CNOT2: variants seen among roughly 807,000 people sequenced by gnomAD.
CNOT2 encodes the protein CC chemokine receptor 4-negative regulator of transcription 2.
In CNOT2, 7 loss-of-function variants were observed where a neutral mutation model predicts 72.1. The ratio of observed to expected loss-of-function variants is 0.10; its 90% CI spans 0.06 to 0.18. The LOEUF (loss-of-function observed/expected upper bound fraction) is 0.18, where lower values mean the gene tolerates loss of function less well. Ranked by LOEUF, CNOT2 falls within the 10% of genes least tolerant of loss-of-function variation. The pLI is 1.00. For synonymous variants in CNOT2, 196 were observed against 225.6 expected (o/e 0.87, Z 1.17); for missense variants, 345 against 660.3 (o/e 0.52, Z 5.23).
intron 1 of CNOT2, among the ~76,000 whole-genome samples, chr12:70,277,198 G>A (rs1948430150): frequency 6.6e-6 from 1 of 151,878 alleles, no homozygotes. Flanking sequence ...ACTTCCTTAG[G>A]GAGAATGCTT....
chr12:70,341,848 C>T (rs1285659527), intron 11 of CNOT2: 1 of 383,082 alleles, frequency 2.6e-6, no homozygotes, highest in African/African-American at 2.1e-5. Context: ...AATTTTTAAT[C>T]ATGTTTTGTA....
chr12:70,278,220 C>A lies in CNOT2; in HGVS notation c.-7C>A. On this transcript the variant is annotated 5_prime_UTR_variant, in exon 2 of 16. Transcript: ENST00000229195. Reference sequence around the variant, plus strand: ...CCTCCGGTACTGTGAGGAAAGGACACGACTCTATGGTGAGGACTGATGGAC... The same window carrying A: ...CCTCCGGTACTGTGAGGAAAGGACAAGACTCTATGGTGAGGACTGATGGAC... 3 of 1,608,832 alleles carry A rather than the reference C, an allele frequency of 1.9e-6. No individual in the cohort carries two copies. The highest frequency in any genetic ancestry group is 2.2e-5 in the South Asian group (2 of 90,846).
chr12:70,349,688 A>T (rs1367270175), intron 15 of CNOT2, among the ~76,000 whole-genome samples: 1 of 152,182 alleles, frequency 6.6e-6, no homozygotes, highest in African/African-American at 2.4e-5. Context: ...AATTTCCTGT[A>T]AATAATATAT....
chr12:70,337,114 T>C, intron 8 of CNOT2: 1 of 218,088 alleles, frequency 4.6e-6, no homozygotes. Flanking sequence ...TTGTTAATAA[T>C]TAATCCAATA....
intron 2 of CNOT2, among the ~76,000 whole-genome samples, chr12:70,280,635 G>C (rs1486299315): frequency 6.6e-6 from 1 of 152,066 alleles, no homozygotes; most frequent in Non-Finnish European, 1.5e-5. Context: ...AAGAATTTTT[G>C]TAAAATTTAT....
At chr12:70,273,067 C>T (rs1288470812) in intron 1 of CNOT2, among the ~76,000 whole-genome samples, 1 of 152,118 alleles carries the variant, frequency 6.6e-6, no homozygotes, top group Non-Finnish European at 1.5e-5. Context: ...CAGCATTTCC[C>T]TCTGTGCCAT....
chr12:70,255,962 A>G (rs536089527), intron 1 of CNOT2, among the ~76,000 whole-genome samples: 93 of 152,298 alleles, frequency 6.1e-4, no homozygotes, highest in African/African-American at 2.1e-3. Flanking sequence ...AGGCACAGCA[A>G]AATACTCAGG....
chr12:70,297,852 C>T (rs542384075), intron 2 of CNOT2: 20 of 248,468 alleles, frequency 8.0e-5, no homozygotes, highest in Non-Finnish European at 1.6e-4. Context: ...ATTCTCCTGC[C>T]TCGGCCTCCA....
chr12:70,296,838 G>T (rs1872894281), intron 2 of CNOT2, among the ~76,000 whole-genome samples: 3 of 150,900 alleles, frequency 2.0e-5, no homozygotes, highest in Admixed American at 6.6e-5. Flanking sequence ...AGGATAAGCA[G>T]TTTAAAATCC....
intron 4 of CNOT2, 108 bp downstream of exon 4, chr12:70,319,472 A>G: frequency 9.5e-7 from 1 of 1,050,370 alleles, no homozygotes; most frequent in Non-Finnish European, 1.4e-6. Context: ...GTATGACTTA[A>G]AAGGAAAAAT....
chr12:70,266,728 T>C (rs1959062796), intron 1 of CNOT2, among the ~76,000 whole-genome samples: 1 of 152,212 alleles, frequency 6.6e-6, no homozygotes, highest in Non-Finnish European at 1.5e-5. Flanking sequence ...TTTTAATTGC[T>C]CTGAAGTGTA....
intron 13 of CNOT2, among the ~76,000 whole-genome samples, chr12:70,342,652 T>C (rs1593280191): frequency 1.3e-5 from 2 of 152,204 alleles, no homozygotes; most frequent in Admixed American, 1.3e-4. Flanking sequence ...ATGGTCTGTA[T>C]CTTTAAAAAC....
chr12:70,292,586 G>A (rs1872108355), intron 2 of CNOT2, among the ~76,000 whole-genome samples: 1 of 152,206 alleles, frequency 6.6e-6, no homozygotes, highest in Non-Finnish European at 1.5e-5. Context: ...AAGGAGGCCA[G>A]TATGGCAGGA....
chr12:70,303,425 G>C (rs547365589), intron 2 of CNOT2, among the ~76,000 whole-genome samples: 15 of 151,658 alleles, frequency 9.9e-5, no homozygotes, highest in East Asian at 3.9e-4. Flanking sequence ...GTGACAAAAT[G>C]TCTCAGCATT....
chr12:70,314,391 A>AT lies in CNOT2; in HGVS notation c.171+3386dup, dbSNP rs905448086. Among the ~76,000 whole-genome samples, 288 of 146,416 alleles carry AT rather than the reference A, an allele frequency of 2.0e-3. 1 individual carries two copies. Among genetic ancestry groups the AT allele is most frequent in the Middle Eastern group, 7.1e-3 (2 of 280 alleles). ...AACAATAGTACCTAGCTCATGAAGG[A>AT]TTTTTTTTTTTTAAGTGGGAGAATA... On this transcript the variant is annotated intron_variant, in intron 3 of 15. Transcript: ENST00000229195.
intron 1 of CNOT2, among the ~76,000 whole-genome samples, chr12:70,275,482 A>G (rs1299709658): frequency 1.3e-5 from 2 of 151,990 alleles, no homozygotes; most frequent in African/African-American, 4.8e-5. Flanking sequence ...TGGGTGTACT[A>G]CGTTTGTTCT....
chr12:70,255,315 T>A (rs1257929945), intron 1 of CNOT2, among the ~76,000 whole-genome samples: 2 of 152,194 alleles, frequency 1.3e-5, no homozygotes, highest in African/African-American at 2.4e-5. Flanking sequence ...TCTGTTTTTT[T>A]GAAATTCATT....
chr12:70,340,712 ATT>A (rs1393004197), intron 11 of CNOT2, among the ~76,000 whole-genome samples: 1 of 151,956 alleles, frequency 6.6e-6, no homozygotes, highest in African/African-American at 2.4e-5. Flanking sequence ...TGTTTGAATC[ATT>A]CTCTCTTGCC....
At chr12:70,317,601 ATAAGGTTTGATTTTTTTTTTTTT>A (rs1877559996) in intron 3 of CNOT2, among the ~76,000 whole-genome samples, 1 of 140,250 alleles carries the variant, frequency 7.1e-6, no homozygotes, top group Non-Finnish European at 1.5e-5. Context: ...GGGAATATTT[ATAAGGTTTGATTTTTTTTTTTTT>A]TTTTTTTTTT....
Sources: allele counts gnomAD v4.1 joint callset (sites outside exome capture counted in the v4.1 genomes callset), GRCh38; gene constraint gnomAD v4.1.1; transcripts MANE v1.5; gene names NCBI Gene and HGNC (gene_info 2026-07-23, HGNC 2026-07-21).